Variants in KIZ observed in about 807,000 individuals in gnomAD.
KIZ encodes the protein kizuna centrosomal protein, also known as centrosomal protein kizuna.
In KIZ, 68 loss-of-function variants were observed where a neutral mutation model predicts 79.6. The observed-to-expected ratio is 0.85, with a 90% CI of 0.70 to 1.05. The LOEUF is 1.05. KIZ is among the 50% of genes least tolerant of loss of function. KIZ has a pLI of 0.00. For synonymous variants in KIZ, 280 were observed against 281.8 expected (o/e 0.99, Z 0.06); for missense variants, 797 against 800.4 (o/e 1.00, Z 0.05).
At chr20:21,211,112 A>G (rs1485679256) in intron 7 of KIZ, among the ~76,000 whole-genome samples, 2 of 152,198 alleles carry the variant, frequency 1.3e-5, no homozygotes, top group Non-Finnish European at 2.9e-5. Context: ...TTTGAATATC[A>G]CAACCGTAAG....
At chr20:21,231,721 G>A (rs920520448) in intron 10 of KIZ, among the ~76,000 whole-genome samples, 1 of 152,172 alleles carries the variant, frequency 6.6e-6, no homozygotes, top group Non-Finnish European at 1.5e-5. Flanking sequence ...AGGGTGTAGG[G>A]CAGCTTCACA....
chr20:21,158,556 A>C (rs2033495840), intron 4 of KIZ: 1 of 152,218 alleles, frequency 6.6e-6, no homozygotes, highest in African/African-American at 2.4e-5. Flanking sequence ...GCAGCTGTTA[A>C]AATTGGATAT....
intron 6 of KIZ, among the ~76,000 whole-genome samples, chr20:21,176,545 A>G (rs992788780): frequency 7.5e-5 from 11 of 147,060 alleles, no homozygotes; most frequent in African/African-American, 2.8e-4. Flanking sequence ...TTTCAACAAA[A>G]AACATTACAA....
chr20:21,135,860 T>A (rs1279611287), intron 2 of KIZ, among the ~76,000 whole-genome samples: 1 of 152,196 alleles, frequency 6.6e-6, no homozygotes, highest in Non-Finnish European at 1.5e-5. Flanking sequence ...ATAAAATATT[T>A]TAATAGTGAA....
intron 4 of KIZ, among the ~76,000 whole-genome samples, chr20:21,149,779 C>G (rs570645197): frequency 1.9e-3 from 292 of 152,306 alleles, no homozygotes; most frequent in African/African-American, 7.0e-3. Flanking sequence ...GACCAGATAC[C>G]TTGTGTGGGG....
At chr20:21,209,326 G>A (rs1321304888) in intron 7 of KIZ, among the ~76,000 whole-genome samples, 1 of 152,082 alleles carries the variant, frequency 6.6e-6, no homozygotes, top group Non-Finnish European at 1.5e-5. Context: ...AAATGAGTTG[G>A]GTGCTTCATT....
At chr20:21,126,772 G>C (rs2031503063) in intron 1 of KIZ, among the ~76,000 whole-genome samples, 1 of 152,132 alleles carries the variant, frequency 6.6e-6, no homozygotes, top group South Asian at 2.1e-4. Context: ...AGCTTCCAGA[G>C]GGTTCATGAT....
At chr20:21,184,415 G>A (rs974723165) in intron 6 of KIZ, among the ~76,000 whole-genome samples, 1 of 152,158 alleles carries the variant, frequency 6.6e-6, no homozygotes, top group African/African-American at 2.4e-5. Context: ...CTCCCAAAGG[G>A]CTGGGATTAC....
intron 7 of KIZ, among the ~76,000 whole-genome samples, chr20:21,209,424 G>A (rs2035971420): frequency 6.6e-6 from 1 of 152,134 alleles, no homozygotes; most frequent in African/African-American, 2.4e-5. Context: ...GCAATATGCT[G>A]GTGACACTCA....
At chr20:21,178,819 A>G (rs569556733) in intron 6 of KIZ, among the ~76,000 whole-genome samples, 4 of 152,238 alleles carry the variant, frequency 2.6e-5, no homozygotes, top group South Asian at 2.1e-4. Flanking sequence ...TTCTGTGTCT[A>G]TTAAGATGGT....
At chr20:21,185,407 C>CTTT (rs1269681079) in intron 6 of KIZ, among the ~76,000 whole-genome samples, 12 of 131,336 alleles carry the variant, frequency 9.1e-5, no homozygotes, top group South Asian at 2.4e-4. Context: ...ATTATTCTAC[C>CTTT]TTTTTTTTTT....
intron 6 of KIZ, among the ~76,000 whole-genome samples, chr20:21,184,773 G>A (rs978719721): frequency 2.6e-5 from 4 of 152,292 alleles, no homozygotes; most frequent in South Asian, 2.1e-4. Context: ...GCCTCGTGTC[G>A]TGGCATGCCT....
intron 11 of KIZ, among the ~76,000 whole-genome samples, chr20:21,233,537 T>C (rs1426039806): frequency 1.3e-5 from 2 of 152,220 alleles, no homozygotes; most frequent in Non-Finnish European, 2.9e-5. Context: ...TAAATATTGT[T>C]TAAAATGGCA....
intron 6 of KIZ, among the ~76,000 whole-genome samples, chr20:21,179,466 T>G (rs1035059274): frequency 3.3e-5 from 5 of 151,902 alleles, no homozygotes; most frequent in Non-Finnish European, 7.4e-5. Flanking sequence ...GGGTTTTCTC[T>G]CTTTTTTCTT....
At chr20:21,230,583 G>A (rs2036801625) in intron 10 of KIZ, among the ~76,000 whole-genome samples, 1 of 152,208 alleles carries the variant, frequency 6.6e-6, no homozygotes, top group Non-Finnish European at 1.5e-5. Flanking sequence ...AGTGGTTAAA[G>A]TCAGTTGCGG....
At chr20:21,187,520 G>C (rs2034928478) in intron 6 of KIZ, among the ~76,000 whole-genome samples, 1 of 152,168 alleles carries the variant, frequency 6.6e-6, no homozygotes, top group Admixed American at 6.5e-5. Flanking sequence ...CCGAAATTCA[G>C]TAAGCCTATC....
intron 6 of KIZ, chr20:21,198,658 G>A (rs1185168832): frequency 6.6e-6 from 1 of 152,594 alleles, no homozygotes; most frequent in Non-Finnish European, 1.5e-5. Flanking sequence ...ATGGAAATCA[G>A]GATAATAGTC....
At chr20:21,221,521 T>A (rs1414910991) in intron 9 of KIZ, among the ~76,000 whole-genome samples, 1 of 152,218 alleles carries the variant, frequency 6.6e-6, no homozygotes, top group African/African-American at 2.4e-5. Flanking sequence ...GGATTAAGCC[T>A]CTAAGAATGT....
chr20:21,238,845 A>C (rs1017964338), intron 11 of KIZ, among the ~76,000 whole-genome samples: 1 of 152,176 alleles, frequency 6.6e-6, no homozygotes, highest in Non-Finnish European at 1.5e-5. Flanking sequence ...TGGCTGAGGC[A>C]GTTTCCCTGT....
Sources: gnomAD v4.1 joint callset for allele counts (sites outside exome capture counted in the v4.1 genomes callset) on GRCh38, gnomAD v4.1.1 for gene constraint, MANE v1.5 for transcripts, NCBI Gene and HGNC (gene_info 2026-07-23, HGNC 2026-07-21) for gene names.